Variants in USP13 observed in about 807,000 individuals in gnomAD.
The protein encoded by USP13 is ubiquitin carboxyl-terminal hydrolase 13.
A neutral mutation model predicts 107.8 loss-of-function variants in USP13; 68 were observed. The observed-to-expected ratio is 0.63, with a 90% CI of 0.52 to 0.77. The LOEUF is 0.77. USP13 is among the 30% of genes least tolerant of loss of function. USP13 has a pLI of 0.00. For missense variants in USP13, 945 were observed against 1,093.3 expected (o/e 0.86, Z 1.91); for synonymous variants, 377 against 389.5 (o/e 0.97, Z 0.38).
chr3:179,683,249 C>A (rs1289289018), intron 2 of USP13, among the ~76,000 whole-genome samples: 1 of 146,626 alleles, frequency 6.8e-6, no homozygotes, highest in Non-Finnish European at 1.5e-5. Context: ...TGTCGTTTTA[C>A]TTTGTTTATG....
At chr3:179,712,315 CAG>C (rs768576844) in intron 6 of USP13, among the ~76,000 whole-genome samples, 32 of 152,198 alleles carry the variant, frequency 2.1e-4, no homozygotes, top group Admixed American at 3.3e-4. Flanking sequence ...TTGCAACAAA[CAG>C]ATATTCAGTG....
chr3:179,684,270 TACACAC>T lies in USP13; in HGVS notation c.294+2305_294+2310del, dbSNP rs58817778. Reference sequence around the variant, plus strand: ...CACCACGCCTGGCAGTATCACCCTTTACACACACACACACACACACACACACACACA... The same window carrying T: ...CACCACGCCTGGCAGTATCACCCTTTACACACACACACACACACACACACA... On this transcript the variant is annotated intron_variant, in intron 2 of 20. Transcript: ENST00000263966. 1.8e-3 allele frequency among the ~76,000 whole-genome samples: 208 copies of T among 116,014 alleles called. 2 individuals are homozygous for T. Among genetic ancestry groups the T allele is most frequent in the African/African-American group, 5.0e-3 (152 of 30,124 alleles). 76.1% of individuals were successfully genotyped at this position (116,014 alleles called of 152,430 possible).
At chr3:179,657,591 T>A (rs1720306370) in intron 1 of USP13, among the ~76,000 whole-genome samples, 1 of 150,352 alleles carries the variant, frequency 6.7e-6, no homozygotes, top group Non-Finnish European at 1.5e-5. Context: ...TGAAACCCTG[T>A]CTCTACTAAA....
chr3:179,728,190 T>G lies in USP13; in HGVS notation c.1089-1999T>G, dbSNP rs1224948146. ...CACCTCCCGGACGGGGCGGCTGGCC[T>G]GGCGGGGGGCTGACCCCCCCACCTC... On this transcript the variant is annotated intron_variant, in intron 8 of 20. Coordinates refer to ENST00000263966, the MANE Select transcript of USP13 (RefSeq NM_003940.3). Among the ~76,000 whole-genome samples the G allele has an allele frequency of 8.2e-4, 90 of 109,630 alleles. 1 individual carries two copies. Among genetic ancestry groups the G allele is most frequent in the South Asian group, 1.6e-3 (5 of 3,034 alleles). The allele number at this position is 109,630 out of a possible 152,430, so 71.9% of individuals were successfully genotyped here. A position where few individuals can be genotyped will look rare whatever the true frequency, so the allele number is the denominator to read the frequency against.
At chr3:179,677,555 G>A (rs1171622204) in intron 1 of USP13, among the ~76,000 whole-genome samples, 1 of 151,564 alleles carries the variant, frequency 6.6e-6, no homozygotes, top group Non-Finnish European at 1.5e-5. Flanking sequence ...ATTCCAGCCT[G>A]GGCAACAAGA....
intron 1 of USP13, among the ~76,000 whole-genome samples, chr3:179,666,595 T>C (rs2108439008): frequency 6.6e-6 from 1 of 152,282 alleles, no homozygotes; most frequent in Non-Finnish European, 1.5e-5. Context: ...GCTGTCCTTT[T>C]GCATTTGGGG....
intron 1 of USP13, among the ~76,000 whole-genome samples, chr3:179,658,808 A>G (rs1203964843): frequency 6.6e-6 from 1 of 152,206 alleles, no homozygotes; most frequent in African/African-American, 2.4e-5. Flanking sequence ...TCGCTCTTCC[A>G]AGTCTGTATT....
intron 10 of USP13, among the ~76,000 whole-genome samples, chr3:179,733,033 C>T (rs141002087): frequency 1.1e-4 from 16 of 152,244 alleles, no homozygotes; most frequent in African/African-American, 3.1e-4. Context: ...GTCCCAGGCC[C>T]GCAATGACAG....
intron 17 of USP13, among the ~76,000 whole-genome samples, 186 bp from the exon 18 acceptor site, chr3:179,763,816 C>T (rs901208044): frequency 7.9e-5 from 12 of 152,144 alleles, no homozygotes; most frequent in African/African-American, 2.7e-4. Flanking sequence ...GAACTCCTGA[C>T]CTCAGGCGAT....
chr3:179,708,801 C>T lies in USP13; in HGVS notation c.649C>T (p.Arg217Ter), dbSNP rs150877602. 1.9e-6 allele frequency: 3 copies of T among 1,614,172 alleles called. No individual in the cohort carries two copies. Among genetic ancestry groups the T allele is most frequent in the Admixed American group, 1.7e-5 (1 of 60,028 alleles). The stretch of plus-strand genomic sequence containing the variant: ...TTGGAAGTGTGCCAGATGCGACCTG[C>T]GAGAAAACCTCTGGTTGAATCTGAC... The part of the protein sequence containing the change: ...SGWKCARCDL[R>*]ENLWLNLTDG... Residue 217 changes from arginine (R) to a stop codon, truncating the protein, a stop_gained, in exon 6 of 21, where the codon CGA becomes TGA. Coordinates refer to ENST00000263966, the MANE Select transcript of USP13 (RefSeq NM_003940.3). LOFTEE classifies it high-confidence loss of function.
At chr3:179,740,224 T>A (rs773227594) in intron 10 of USP13, 23 bp from the exon 11 acceptor site, 1 of 1,612,798 alleles carries the variant, frequency 6.2e-7, no homozygotes, top group Non-Finnish European at 8.5e-7. Context: ...GTATCATAAG[T>A]CCATTTCATT....
At chr3:179,711,874 A>G (rs1442706136) in intron 6 of USP13, among the ~76,000 whole-genome samples, 3 of 152,364 alleles carry the variant, frequency 2.0e-5, no homozygotes, top group Admixed American at 1.3e-4. Context: ...TATTATTATT[A>G]TCAAGAATTA....
At chr3:179,687,029 G>T (rs1156358421) in intron 2 of USP13, among the ~76,000 whole-genome samples, 1 of 152,008 alleles carries the variant, frequency 6.6e-6, no homozygotes, top group Non-Finnish European at 1.5e-5. Flanking sequence ...TCTTCATCAG[G>T]GTTATCCATA....
At chr3:179,680,821 A>ACTTTCTTTCTTCTATCTT (rs1560046343) in intron 1 of USP13, among the ~76,000 whole-genome samples, 19 of 147,116 alleles carry the variant, frequency 1.3e-4, no homozygotes, top group Admixed American at 3.4e-4. Context: ...GATTACAGGC[A>ACTTTCTTTCTTCTATCTT]TGAGTCACCG....
intron 13 of USP13, among the ~76,000 whole-genome samples, chr3:179,748,822 G>A (rs1009272116): frequency 6.6e-6 from 1 of 152,142 alleles, no homozygotes; most frequent in African/African-American, 2.4e-5. Context: ...GCCCAGTCTA[G>A]AACTTATTGG....
chr3:179,714,015 A>G (rs1219546680), intron 6 of USP13, among the ~76,000 whole-genome samples: 1 of 152,214 alleles, frequency 6.6e-6, no homozygotes, highest in East Asian at 1.9e-4. Context: ...CAAACAAACC[A>G]AGAAGCAGAT....
intron 6 of USP13, among the ~76,000 whole-genome samples, chr3:179,712,533 TA>T (rs1268958868): frequency 6.6e-6 from 1 of 152,118 alleles, no homozygotes; most frequent in Non-Finnish European, 1.5e-5. Flanking sequence ...TCATACTGTA[TA>T]AAGTTTTATT....
chr3:179,761,101 G>A lies in USP13; in HGVS notation c.1949-11G>A. 3 of 1,614,138 alleles carry A rather than the reference G, an allele frequency of 1.9e-6. No homozygotes were observed. Among genetic ancestry groups the A allele is most frequent in the Non-Finnish European group, 2.5e-6 (3 of 1,180,002 alleles). ...CTCTTTCACACTAGAATATCCTGTT[G>A]TGCTCTGTAGCATCAGACATCGATG... On this transcript the variant is annotated splice_polypyrimidine_tract_variant and intron_variant, in intron 16 of 20. Coordinates refer to ENST00000263966, the MANE Select transcript of USP13 (RefSeq NM_003940.3).
intron 9 of USP13, 107 bp from the exon 10 acceptor site, chr3:179,730,509 T>TTTGTGTGTAAC (rs1178600913): frequency 2.1e-6 from 2 of 963,112 alleles, no homozygotes; most frequent in African/African-American, 3.3e-5. Context: ...GCAGATCAAA[T>TTTGTGTGTAAC]GCTCCACCTA....
Sources: gnomAD v4.1 joint callset for allele counts (sites outside exome capture counted in the v4.1 genomes callset) on GRCh38, gnomAD v4.1.1 for gene constraint, MANE v1.5 for transcripts, NCBI Gene and HGNC (gene_info 2026-07-23, HGNC 2026-07-21) for gene names.